The following MUSK variants were observed in gnomAD, a reference collection of about 807,000 sequenced individuals.
The protein encoded by MUSK is muscle, skeletal receptor tyrosine-protein kinase.
A neutral mutation model predicts 88.7 loss-of-function variants in MUSK; 55 were observed. The ratio of observed to expected loss-of-function variants is 0.62; its 90% confidence interval spans 0.50 to 0.78. MUSK has a LOEUF of 0.78. Among genes scored for constraint, MUSK ranks in the 30% least tolerant of loss-of-function variants. The pLI, the probability that MUSK is intolerant of heterozygous loss-of-function variation, is 0.00. For missense variants in MUSK, 1,015 were observed against 1,074.3 expected (o/e 0.94, Z 0.77); for synonymous variants, 387 against 391.9 (o/e 0.99, Z 0.15).
intron 5 of MUSK, among the ~76,000 whole-genome samples, chr9:110,716,170 C>G (rs1296219600): frequency 6.7e-6 from 1 of 149,902 alleles, no homozygotes; most frequent in Non-Finnish European, 1.5e-5. Flanking sequence ...AAAATATTAG[C>G]TTGGTGCAAA....
At chr9:110,800,193 A>C in intron 14 of MUSK, 113 bp from the exon 15 acceptor site, 2 of 963,158 alleles carry the variant, frequency 2.1e-6, no homozygotes, top group Non-Finnish European at 3.1e-6. Context: ...TACGACAACA[A>C]CAACAAAAAA....
At chr9:110,700,785 T>C (rs1314037942) in intron 5 of MUSK, among the ~76,000 whole-genome samples, 1 of 152,140 alleles carries the variant, frequency 6.6e-6, no homozygotes, top group Non-Finnish European at 1.5e-5. Context: ...TGATAAACTG[T>C]ATACAGAGGG....
chr9:110,693,620 T>C (rs577572859), intron 3 of MUSK, among the ~76,000 whole-genome samples: 1 of 152,216 alleles, frequency 6.6e-6, no homozygotes, highest in Non-Finnish European at 1.5e-5. Context: ...TGGCTATGCG[T>C]CAATACCCTA....
At chr9:110,746,075 C>T (rs1048915634) in intron 6 of MUSK, among the ~76,000 whole-genome samples, 1 of 152,138 alleles carries the variant, frequency 6.6e-6, no homozygotes, top group Non-Finnish European at 1.5e-5. Flanking sequence ...TTCCCTAATA[C>T]TGGACACAGG....
chr9:110,739,014 C>T (rs1287527000), intron 6 of MUSK, among the ~76,000 whole-genome samples: 2 of 152,124 alleles, frequency 1.3e-5, no homozygotes, highest in African/African-American at 4.8e-5. Context: ...TTCTATAAAA[C>T]CTTTTTATTG....
At chr9:110,683,058 A>G (rs556381403) in intron 2 of MUSK, among the ~76,000 whole-genome samples, 2 of 151,058 alleles carry the variant, frequency 1.3e-5, no homozygotes, top group East Asian at 3.9e-4. Context: ...GTCTTATCAA[A>G]TAGTAGGACT....
At chr9:110,784,765 T>C (rs1163508581) in intron 11 of MUSK, 50 bp from the exon 12 acceptor site, 1 of 1,430,024 alleles carries the variant, frequency 7.0e-7, no homozygotes, top group South Asian at 1.3e-5. Context: ...TACAAAAAAT[T>C]GCTTCTTAAA....
chr9:110,722,663 T>A (rs985795370), intron 5 of MUSK, among the ~76,000 whole-genome samples: 2 of 149,268 alleles, frequency 1.3e-5, no homozygotes, highest in African/African-American at 2.5e-5. Flanking sequence ...GACCAAGGAG[T>A]AATATTCAGA....
intron 6 of MUSK, among the ~76,000 whole-genome samples, chr9:110,738,848 A>G (rs1351965719): frequency 1.3e-5 from 2 of 152,166 alleles, no homozygotes; most frequent in Admixed American, 1.3e-4. Flanking sequence ...GAACATTAAG[A>G]TGATACCAGT....
At chr9:110,724,990 TATG>T (rs1290161117) in intron 5 of MUSK, among the ~76,000 whole-genome samples, 1 of 152,146 alleles carries the variant, frequency 6.6e-6, no homozygotes, top group African/African-American at 2.4e-5. Context: ...CTTTAACTAA[TATG>T]ATAATTAATC....
At chr9:110,754,035 C>CA (rs1564267203) in intron 7 of MUSK, among the ~76,000 whole-genome samples, 1 of 152,202 alleles carries the variant, frequency 6.6e-6, no homozygotes, top group African/African-American at 2.4e-5. Context: ...CTTTACCACT[C>CA]AGTGCTTCAA....
chr9:110,689,984 A>ATATAT (rs2076296470), intron 3 of MUSK, among the ~76,000 whole-genome samples: 4 of 46,648 alleles, frequency 8.6e-5, no homozygotes, highest in Non-Finnish European at 1.4e-4. Context: ...TATTATAAAT[A>ATATAT]TTATAATTAT....
At chr9:110,751,222 C>G (rs1454439939) in intron 7 of MUSK, among the ~76,000 whole-genome samples, 2 of 152,136 alleles carry the variant, frequency 1.3e-5, no homozygotes, top group African/African-American at 2.4e-5. Context: ...CCTGTCCTAG[C>G]CCAGATGAGA....
intron 8 of MUSK, among the ~76,000 whole-genome samples, chr9:110,762,772 C>T (rs938175277): frequency 6.6e-6 from 1 of 152,052 alleles, no homozygotes; most frequent in Non-Finnish European, 1.5e-5. Context: ...TTAAAACTGA[C>T]CTTCATAAAA....
At chr9:110,774,858 C>CATAT (rs143542195) in intron 9 of MUSK, among the ~76,000 whole-genome samples, 5 of 124,394 alleles carry the variant, frequency 4.0e-5, no homozygotes, top group Non-Finnish European at 6.8e-5. Context: ...ACCATTGTGG[C>CATAT]ATATATATAC....
chr9:110,711,927 T>C lies in MUSK; in HGVS notation c.628+14461T>C, dbSNP rs1392810302. On this transcript the variant is annotated intron_variant, in intron 5 of 14. Coordinates refer to ENST00000374448, the MANE Select transcript of MUSK (RefSeq NM_005592.4). ...GGGAGCTGTTTTAAAGCTTTATAAA[T>C]TGTAGATAACTGGCAGCAATGCTAA... Among the ~76,000 whole-genome samples the C allele has an allele frequency of 3.1e-4, 47 of 152,174 alleles. 1 individual carries two copies. Among genetic ancestry groups the C allele is most frequent in the Non-Finnish European group, 7.4e-5 (5 of 68,022 alleles).
At chr9:110,734,521 G>A in intron 6 of MUSK, 146 bp downstream of exon 6, 1 of 1,054,614 alleles carries the variant, frequency 9.5e-7, no homozygotes. Context: ...CTTTGTCCTA[G>A]AAGCCATTGC....
intron 1 of MUSK, among the ~76,000 whole-genome samples, chr9:110,680,012 T>C (rs766650973): frequency 6.6e-6 from 1 of 152,172 alleles, no homozygotes; most frequent in Non-Finnish European, 1.5e-5. Flanking sequence ...TTGTTTTTTA[T>C]AACTCACCCC....
Position 110,768,004 on chromosome 9 carries a change from G to C in MUSK, c.1105G>C (p.Ala369Pro), listed in dbSNP as rs780616845. ...AGTAGTGAGCCCAGTCTGCCGGCCA[G>C]CTGCTGAGGCTTTGTTGTGTAACCA... ...LKVVSPVCRP[A>P]AEALLCNHIF... The change falls in exon 9 of 15, where the codon GCT (alanine) becomes CCT (proline). Residue 369 changes from alanine to proline, a missense_variant. Physicochemically the swap from Ala to Pro is conservative, Grantham distance 27 (BLOSUM62 -1). Coordinates refer to ENST00000374448, the MANE Select transcript of MUSK (RefSeq NM_005592.4). 6.2e-7 allele frequency: 1 copy of C among 1,613,982 alleles called. No individual in the cohort carries two copies. Among genetic ancestry groups the C allele is most frequent in the South Asian group, 1.1e-5 (1 of 91,080 alleles).
Sources: gnomAD v4.1 joint callset for allele counts (sites outside exome capture counted in the v4.1 genomes callset) on GRCh38, gnomAD v4.1.1 for gene constraint, MANE v1.5 for transcripts, NCBI Gene and HGNC (gene_info 2026-07-23, HGNC 2026-07-21) for gene names.